The following CDKAL1 variants were observed in gnomAD, a reference collection of about 807,000 sequenced individuals.
CDKAL1 encodes threonylcarbamoyladenosine tRNA methylthiotransferase.
A neutral mutation model predicts 68.2 loss-of-function variants in CDKAL1; 32 were observed. The observed-to-expected ratio is 0.47, with a 90% CI of 0.35 to 0.63. The LOEUF is 0.63. Among genes scored for constraint, CDKAL1 ranks in the 30% least tolerant of loss-of-function variants. CDKAL1 has a pLI of 0.00. For synonymous variants in CDKAL1, 234 were observed against 244.3 expected, an observed-to-expected ratio of 0.96 and a Z score of 0.39; for missense variants, 606 against 696.7, an observed-to-expected ratio of 0.87 and a Z score of 1.47.
chr6:21,107,513 TGCCTCCCAGGTTCA>T lies in CDKAL1; in HGVS notation c.1237-887_1237-874del, dbSNP rs138392975. 3.9e-3 allele frequency among the ~76,000 whole-genome samples: 589 copies of T among 152,200 alleles called. 6 individuals are homozygous for T. Among genetic ancestry groups the T allele is most frequent in the African/African-American group, 0.014 (566 of 41,536 alleles). ...TACAATCTTGGCTCACTGCAACCTC[TGCCTCCCAGGTTCA>T]AGTAATTCTCCTGCCTCAGCTTCCT... On this transcript the variant is annotated intron_variant, in intron 12 of 15. Coordinates refer to ENST00000274695, the MANE Select transcript of CDKAL1 (RefSeq NM_017774.3).
At chr6:20,888,496 A>C (rs1489592098) in intron 9 of CDKAL1, among the ~76,000 whole-genome samples, 1 of 137,218 alleles carries the variant, frequency 7.3e-6, no homozygotes, top group Non-Finnish European at 1.6e-5. Context: ...CATTAGGTAT[A>C]TCTCCTAATG....
At chr6:20,931,894 G>A (rs1358749966) in intron 9 of CDKAL1, among the ~76,000 whole-genome samples, 1 of 152,160 alleles carries the variant, frequency 6.6e-6, no homozygotes, top group Non-Finnish European at 1.5e-5. Flanking sequence ...AAACTCTTCA[G>A]TCGATTGATT....
At chr6:21,064,645 A>C (rs1306430731) in intron 11 of CDKAL1, among the ~76,000 whole-genome samples, 2 of 152,204 alleles carry the variant, frequency 1.3e-5, no homozygotes, top group African/African-American at 4.8e-5. Flanking sequence ...GTACCAATGG[A>C]AGTACTGTGT....
intron 4 of CDKAL1, among the ~76,000 whole-genome samples, chr6:20,599,984 G>A (rs1766012799): frequency 6.6e-6 from 1 of 152,168 alleles, no homozygotes; most frequent in South Asian, 2.1e-4. Context: ...TGGATGACAT[G>A]TTTCAAATCC....
intron 13 of CDKAL1, among the ~76,000 whole-genome samples, chr6:21,122,916 G>A (rs1176019559): frequency 6.6e-6 from 1 of 150,862 alleles, no homozygotes; most frequent in East Asian, 1.9e-4. Flanking sequence ...AAATAAAAAG[G>A]ATTACAGGCA....
chr6:20,827,804 T>C lies in CDKAL1; in HGVS notation c.639-18271T>C, dbSNP rs1313886532. 1.3e-5 allele frequency among the ~76,000 whole-genome samples: 2 copies of C among 152,210 alleles called. 1 individual carries two copies. The highest frequency in any genetic ancestry group is 3.8e-4 in the East Asian group (2 of 5,200). On this transcript the variant is annotated intron_variant, in intron 8 of 15. Coordinates refer to ENST00000274695, the MANE Select transcript of CDKAL1 (RefSeq NM_017774.3). ...ACTGAGGTTTTCATTGAATTACCACTTACATTTTCTTAAGACTGTCGATAT... is the reference window on the plus strand; with the variant it reads ...ACTGAGGTTTTCATTGAATTACCACCTACATTTTCTTAAGACTGTCGATAT...
intron 13 of CDKAL1, among the ~76,000 whole-genome samples, chr6:21,139,008 C>G (rs1407925242): frequency 6.6e-6 from 1 of 152,156 alleles, no homozygotes; most frequent in Non-Finnish European, 1.5e-5. Flanking sequence ...AGAGGCACGT[C>G]CATTACAAGA....
chr6:21,191,329 G>A (rs1444958493), intron 13 of CDKAL1, among the ~76,000 whole-genome samples: 2 of 152,172 alleles, frequency 1.3e-5, no homozygotes, highest in Non-Finnish European at 2.9e-5. Context: ...TGGCCATATG[G>A]TTAGAACTGA....
chr6:20,851,597 C>A (rs1180294199), intron 9 of CDKAL1, among the ~76,000 whole-genome samples: 5 of 151,804 alleles, frequency 3.3e-5, no homozygotes, highest in Non-Finnish European at 5.9e-5. Context: ...AAAGCCCCTG[C>A]AAGATAAGTG....
rs181080236 is a variant in CDKAL1, at chr6:20,807,461, T to C, written c.638+26196T>C. 5.3e-4 allele frequency among the ~76,000 whole-genome samples: 81 copies of C among 152,286 alleles called. No homozygotes were observed. In the Middle Eastern group the frequency reaches 0.017, roughly 32 times the overall value. ...TGGTCTCGAACTCCTGACCTTGTGA[T>C]CGGCCCACCTCGGCCTCCCAAAGTG... On this transcript the variant is annotated intron_variant, in intron 8 of 15. Transcript: ENST00000274695.
chr6:20,568,666 C>T (rs1764565268), intron 4 of CDKAL1, among the ~76,000 whole-genome samples: 1 of 144,220 alleles, frequency 6.9e-6, no homozygotes, highest in Admixed American at 7.3e-5. Flanking sequence ...ACCTGGGAGG[C>T]GGAGCTTGCA....
intron 10 of CDKAL1, among the ~76,000 whole-genome samples, chr6:20,990,854 A>G (rs1382273710): frequency 6.6e-6 from 1 of 152,238 alleles, no homozygotes; most frequent in Non-Finnish European, 1.5e-5. Flanking sequence ...TGGTCTTTCG[A>G]ACATTGCCTA....
intron 9 of CDKAL1, among the ~76,000 whole-genome samples, chr6:20,905,602 T>C (rs2876583): frequency 0.96 from 145,758 of 152,254 alleles, 69,785 homozygotes; most frequent in East Asian, 1. Flanking sequence ...CAACGAACTC[T>C]GAGTAGGATG....
chr6:21,043,267 A>G (rs1002136072), intron 11 of CDKAL1, among the ~76,000 whole-genome samples: 4 of 152,134 alleles, frequency 2.6e-5, no homozygotes, highest in Non-Finnish European at 5.9e-5. Context: ...GTGTTGATTA[A>G]TTGAATTTTC....
chr6:20,788,467 A>G (rs1775765219), intron 8 of CDKAL1, among the ~76,000 whole-genome samples: 2 of 152,212 alleles, frequency 1.3e-5, no homozygotes, highest in Admixed American at 1.3e-4. Flanking sequence ...TCATGAGCCG[A>G]GAATGTGACA....
intron 13 of CDKAL1, among the ~76,000 whole-genome samples, chr6:21,146,064 C>A (rs1407466180): frequency 6.6e-6 from 1 of 151,912 alleles, no homozygotes; most frequent in Non-Finnish European, 1.5e-5. Flanking sequence ...GAGATTGTAC[C>A]CTTCTAAACT....
rs57049909 is a variant in CDKAL1, at chr6:20,765,988, G to T, written c.517+7345G>T. Among the ~76,000 whole-genome samples the T allele has an allele frequency of 0.012, 1,790 of 152,222 alleles. 93 individuals carry two copies. The East Asian group carries it at 0.18, about 15-fold the overall frequency. On this transcript the variant is annotated intron_variant, in intron 7 of 15. Coordinates refer to ENST00000274695, the MANE Select transcript of CDKAL1 (RefSeq NM_017774.3). ...AGTTCACTGGGTTTTTTTAAATGAA[G>T]ATAGTAAGTAACTTTACATTTATCA...
chr6:20,562,249 T>C (rs1157041444), intron 4 of CDKAL1, among the ~76,000 whole-genome samples: 3 of 83,098 alleles, frequency 3.6e-5, no homozygotes, highest in Admixed American at 1.2e-4. Context: ...ATTCTCTTTG[T>C]TTTTTTTCTT....
At chr6:20,859,058 G>A (rs1202427497) in intron 9 of CDKAL1, among the ~76,000 whole-genome samples, 1 of 151,708 alleles carries the variant, frequency 6.6e-6, no homozygotes, top group African/African-American at 2.4e-5. Context: ...AATCACATAT[G>A]TATCTTTTTT....
Sources: gnomAD v4.1 joint callset for allele counts (sites outside exome capture counted in the v4.1 genomes callset) on GRCh38, gnomAD v4.1.1 for gene constraint, MANE v1.5 for transcripts, NCBI Gene and HGNC (gene_info 2026-07-23, HGNC 2026-07-21) for gene names.